The following CDH9 variants were observed in gnomAD, a reference collection of about 807,000 sequenced individuals.
CDH9 encodes cadherin-9.
In CDH9, 28 loss-of-function variants were observed where a neutral mutation model predicts 70.9. That is an observed-to-expected ratio of 0.40 (90% CI 0.29 to 0.54). The LOEUF (loss-of-function observed/expected upper bound fraction) is 0.54, where lower values mean the gene tolerates loss of function less well. CDH9 is among the 20% of genes least tolerant of loss of function. CDH9 has a pLI of 0.59. For missense variants in CDH9, 874 were observed against 984.4 expected, an observed-to-expected ratio of 0.89 and a Z score of 1.50; for synonymous variants, 409 against 343.1, an observed-to-expected ratio of 1.19 and a Z score of -2.12.
chr5:27,025,630 T>C (rs1743207883), intron 1 of CDH9, among the ~76,000 whole-genome samples: 1 of 152,060 alleles, frequency 6.6e-6, no homozygotes, highest in Admixed American at 6.6e-5. Context: ...GAAATGCCAT[T>C]GTGTAATTAG....
chr5:26,881,498 G>C lies in CDH9; in HGVS notation c.2008C>G (p.Gln670Glu). 1 of 1,613,730 alleles carries C rather than the reference G, an allele frequency of 6.2e-7. No homozygotes were observed. The highest frequency in any genetic ancestry group is 8.5e-7 in the Non-Finnish European group (1 of 1,179,792). ...CTTAATGTGCCAATGTCAAAAGCTT[G>C]GGTATCTTCTTCCCCGCCGCCTTCA... ...NDEGGGEEDT[Q>E]AFDIGTLRNP... The change falls in exon 12 of 12, where the codon CAA (glutamine) becomes GAA (glutamate). Residue 670 changes from glutamine to glutamate, a missense_variant. By Grantham distance (29) the Gln-to-Glu change is conservative (BLOSUM62 2). Coordinates refer to ENST00000231021, the MANE Select transcript of CDH9 (RefSeq NM_016279.4).
At chr5:26,936,904 A>C (rs554372387) in intron 2 of CDH9, among the ~76,000 whole-genome samples, 8 of 152,048 alleles carry the variant, frequency 5.3e-5, no homozygotes, top group Non-Finnish European at 7.4e-5. Context: ...TTTAGATAAT[A>C]GACTTAAAAG....
At chr5:26,897,347 C>G (rs1051680651) in intron 7 of CDH9, among the ~76,000 whole-genome samples, 1 of 152,098 alleles carries the variant, frequency 6.6e-6, no homozygotes, top group Non-Finnish European at 1.5e-5. Flanking sequence ...GATAACAAAA[C>G]ATGTCAGAGA....
intron 1 of CDH9, among the ~76,000 whole-genome samples, chr5:27,037,403 C>G (rs1323882363): frequency 6.6e-6 from 1 of 151,946 alleles, no homozygotes; most frequent in African/African-American, 2.4e-5. Context: ...TCCATTATAT[C>G]TTCATCAAAA....
At chr5:26,899,813 A>C (rs1740820522) in intron 7 of CDH9, among the ~76,000 whole-genome samples, 1 of 151,994 alleles carries the variant, frequency 6.6e-6, no homozygotes, top group African/African-American at 2.4e-5. Flanking sequence ...GCACGTGTAT[A>C]TCTATGTAAC....
chr5:26,929,914 T>G (rs1209512201), intron 2 of CDH9, among the ~76,000 whole-genome samples: 1 of 151,892 alleles, frequency 6.6e-6, no homozygotes, highest in Non-Finnish European at 1.5e-5. Context: ...GGGGAATGAA[T>G]AAGATCTAGT....
chr5:26,882,000 C>T (rs557833117), intron 11 of CDH9, among the ~76,000 whole-genome samples: 10 of 152,152 alleles, frequency 6.6e-5, no homozygotes, highest in Non-Finnish European at 1.2e-4. Context: ...ATTCCTTTCA[C>T]TTTGGCACAA....
chr5:27,033,477 C>T (rs10058482), intron 1 of CDH9, among the ~76,000 whole-genome samples: 109,759 of 150,700 alleles, frequency 0.73, 41,176 homozygotes, highest in African/African-American at 0.84. Context: ...GATAGACAGA[C>T]AGATAGACAG....
chr5:26,954,753 T>C (rs1166337375), intron 2 of CDH9, among the ~76,000 whole-genome samples: 5 of 151,922 alleles, frequency 3.3e-5, no homozygotes, highest in Non-Finnish European at 7.4e-5. Context: ...AACTCCCCTA[T>C]TGTGGTGAAG....
intron 2 of CDH9, among the ~76,000 whole-genome samples, chr5:26,943,628 T>C (rs1163117402): frequency 1.3e-5 from 2 of 152,128 alleles, no homozygotes; most frequent in Non-Finnish European, 2.9e-5. Context: ...TAAAGGCAGA[T>C]ACTTCAATTG....
In CDH9 at chr5:26,993,888, C is replaced by G. The variant is rs1195601302; in HGVS notation, c.-49-5506G>C. On this transcript the variant is annotated intron_variant, in intron 1 of 11. Coordinates refer to ENST00000231021, the MANE Select transcript of CDH9 (RefSeq NM_016279.4). ...CAGAACCATGGGGATGGGACTGCCA[C>G]CCCAGGAGGTTCAGAAAGTGAGACC... is the stretch of plus-strand genomic sequence containing the variant. Among the ~76,000 whole-genome samples, 4 of 151,898 alleles carry G rather than the reference C, an allele frequency of 2.6e-5. No individual in the cohort carries two copies. In the South Asian group the frequency reaches 8.3e-4, roughly 32 times the overall value.
intron 2 of CDH9, among the ~76,000 whole-genome samples, chr5:26,929,670 G>A (rs1741406332): frequency 6.6e-6 from 1 of 152,012 alleles, no homozygotes; most frequent in African/African-American, 2.4e-5. Flanking sequence ...ATAAAAAATA[G>A]CGAGATTCTG....
intron 1 of CDH9, among the ~76,000 whole-genome samples, chr5:27,016,252 T>G (rs1743044070): frequency 6.6e-6 from 1 of 151,824 alleles, no homozygotes; most frequent in Admixed American, 6.6e-5. Context: ...AGTATAAGTT[T>G]TAGCCATACA....
chr5:26,915,349 A>T (rs1741130096), intron 3 of CDH9, among the ~76,000 whole-genome samples: 1 of 151,926 alleles, frequency 6.6e-6, no homozygotes, highest in African/African-American at 2.4e-5. Flanking sequence ...AATACATTCC[A>T]CTTGACTGCC....
At chr5:27,033,860 A>C (rs1579525130) in intron 1 of CDH9, among the ~76,000 whole-genome samples, 1 of 151,710 alleles carries the variant, frequency 6.6e-6, no homozygotes, top group East Asian at 2.0e-4. Flanking sequence ...GTTTTATAAA[A>C]GCAGTATATT....
At chr5:26,964,564 T>G (rs1179661995) in intron 2 of CDH9, among the ~76,000 whole-genome samples, 1 of 152,220 alleles carries the variant, frequency 6.6e-6, no homozygotes, top group Non-Finnish European at 1.5e-5. Flanking sequence ...ATTTATTATA[T>G]GAAAGACTTA....
chr5:27,037,028 T>C (rs538270167), intron 1 of CDH9, among the ~76,000 whole-genome samples: 32 of 152,158 alleles, frequency 2.1e-4, no homozygotes, highest in Admixed American at 1.9e-3. Context: ...GGACACACAT[T>C]GCCTAGGCAA....
chr5:26,926,224 G>A (rs1036309952), intron 2 of CDH9, among the ~76,000 whole-genome samples: 6 of 152,172 alleles, frequency 3.9e-5, no homozygotes, highest in East Asian at 1.9e-4. Flanking sequence ...TCCTTAAGCC[G>A]ATAAGCAACT....
At chr5:27,030,017 G>A (rs536340849) in intron 1 of CDH9, among the ~76,000 whole-genome samples, 1 of 152,100 alleles carries the variant, frequency 6.6e-6, no homozygotes, top group South Asian at 2.1e-4. Flanking sequence ...TCCATTAAAG[G>A]TAGTAATAAG....
Sources: allele counts gnomAD v4.1 joint callset (sites outside exome capture counted in the v4.1 genomes callset), GRCh38; gene constraint gnomAD v4.1.1; transcripts MANE v1.5; gene names NCBI Gene and HGNC (gene_info 2026-07-23, HGNC 2026-07-21).